RAB3IL1: variants seen among roughly 807,000 people sequenced by gnomAD.
The protein encoded by RAB3IL1 is guanine nucleotide exchange factor for Rab-3A.
Under a neutral mutation model 49.2 loss-of-function variants are expected in RAB3IL1, and 37 were observed. That is an observed-to-expected ratio of 0.75 (90% CI 0.58 to 0.99). The LOEUF is 0.99. RAB3IL1 is among the 50% of genes least tolerant of loss of function. The pLI, the probability that RAB3IL1 is intolerant of heterozygous loss-of-function variation, is 0.00. For synonymous variants in RAB3IL1, 193 were observed against 213.9 expected, an observed-to-expected ratio of 0.90 and a Z score of 0.85; for missense variants, 484 against 513.0, an observed-to-expected ratio of 0.94 and a Z score of 0.55.
upstream of RAB3IL1, chr11:61,919,907 T>C: frequency 1.8e-6 from 1 of 540,582 alleles, no homozygotes; most frequent in East Asian, 3.5e-5. Context: ...AGTCTCCACC[T>C]CTGTACAGCC....
At chr11:61,927,478 T>C in the RAB3IL1 span, among the ~76,000 whole-genome samples, 1 of 151,884 alleles carries the variant, frequency 6.6e-6, no homozygotes, top group Non-Finnish European at 1.5e-5. Context: ...AGACTTAAGG[T>C]TAGGAGTCTG....
At chr11:61,934,642 G>T in the RAB3IL1 span, among the ~76,000 whole-genome samples, 4 of 151,418 alleles carry the variant, frequency 2.6e-5, no homozygotes, top group East Asian at 5.8e-4. Context: ...GCTCAGAAAA[G>T]ACCTGAAGGG....
chr11:61,911,055 G>A (rs1292102221), intron 1 of RAB3IL1, among the ~76,000 whole-genome samples: 2 of 152,372 alleles, frequency 1.3e-5, no homozygotes, highest in Non-Finnish European at 1.5e-5. Context: ...CACATAGGCT[G>A]GAGGTGTGGC....
upstream of RAB3IL1, among the ~76,000 whole-genome samples, chr11:61,925,071 T>A (rs1316520052): frequency 6.6e-6 from 1 of 152,202 alleles, no homozygotes; most frequent in Non-Finnish European, 1.5e-5. Flanking sequence ...TTACGCGCAA[T>A]CTCAGATTCT....
In RAB3IL1 at chr11:61,899,227, C is replaced by T. The variant is rs145108537; in HGVS notation, c.1066+87G>A. 505 of 1,424,466 alleles carry T rather than the reference C, an allele frequency of 3.5e-4. 2 individuals are homozygous for T. The African/African-American group carries it at 6.3e-3, about 18-fold the overall frequency. The allele number at this position is 1,424,466 out of a possible 1,614,324, so 88.2% of individuals were successfully genotyped here. On this transcript the variant is annotated intron_variant, in intron 9 of 9. Coordinates refer to ENST00000394836, the MANE Select transcript of RAB3IL1 (RefSeq NM_013401.4). ...GCCTCCTAGCTGAGTCTTGCCTCCA[C>T]TAGGGGCAGGTGGGCCCAGAGGGCA...
chr11:61,902,948 C>T (rs1174100012), intron 7 of RAB3IL1, among the ~76,000 whole-genome samples: 2 of 152,126 alleles, frequency 1.3e-5, no homozygotes, highest in African/African-American at 2.4e-5. Flanking sequence ...CATCCAGCAG[C>T]TCCCCTGCTT....
upstream of RAB3IL1, among the ~76,000 whole-genome samples, chr11:61,922,101 C>T (rs974214256): frequency 1.3e-5 from 2 of 151,400 alleles, no homozygotes; most frequent in Non-Finnish European, 1.5e-5. Flanking sequence ...CCCAGCTACT[C>T]GGGAGGCTGA....
the RAB3IL1 span, among the ~76,000 whole-genome samples, chr11:61,940,066 G>C: frequency 6.6e-6 from 1 of 152,102 alleles, no homozygotes; most frequent in Non-Finnish European, 1.5e-5. Context: ...ATTGCCTTGA[G>C]CCCAGGAGTT....
the RAB3IL1 span, among the ~76,000 whole-genome samples, chr11:61,935,439 G>T: frequency 8.2e-6 from 1 of 121,366 alleles, no homozygotes; most frequent in Non-Finnish European, 1.7e-5. Flanking sequence ...AAAAAAAAAA[G>T]AAAGAAACTG....
chr11:61,924,819 G>A (rs150090510), upstream of RAB3IL1, among the ~76,000 whole-genome samples: 3 of 152,256 alleles, frequency 2.0e-5, no homozygotes, highest in African/African-American at 7.2e-5. Flanking sequence ...GATGGGTGTG[G>A]GAGTCTGACC....
chr11:61,931,405 G>A, the RAB3IL1 span, among the ~76,000 whole-genome samples: 2 of 152,148 alleles, frequency 1.3e-5, no homozygotes, highest in Non-Finnish European at 2.9e-5. Flanking sequence ...TGGGACTCTG[G>A]CCAACCCAAG....
the RAB3IL1 span, among the ~76,000 whole-genome samples, chr11:61,943,397 G>A: frequency 2.0e-5 from 3 of 152,244 alleles, no homozygotes; most frequent in South Asian, 2.1e-4. Flanking sequence ...AGAAGAAAAC[G>A]TACGGGTAAA....
At chr11:61,917,744 G>C (rs933557116), upstream of RAB3IL1, 1 of 206,276 alleles carries the variant, frequency 4.8e-6, no homozygotes, top group African/African-American at 2.4e-5. Flanking sequence ...GCCGCGCCGC[G>C]CTCAGACTCC....
intron 8 of RAB3IL1, among the ~76,000 whole-genome samples, chr11:61,900,088 C>T (rs777453443): frequency 1.3e-5 from 2 of 152,226 alleles, no homozygotes; most frequent in Non-Finnish European, 2.9e-5. Flanking sequence ...GTACTCACTC[C>T]TCCTGTAGAC....
chr11:61,901,062 G>C (rs1031959893), intron 8 of RAB3IL1, among the ~76,000 whole-genome samples: 5 of 152,260 alleles, frequency 3.3e-5, no homozygotes, highest in African/African-American at 1.2e-4. Context: ...TGGGTGCTCA[G>C]CACACCGCTG....
rs1463415641 is a variant in RAB3IL1, at chr11:61,898,215, C to T, written c.*63G>A. 2.7e-6 allele frequency: 4 copies of T among 1,488,162 alleles called. No individual in the cohort carries two copies. Among genetic ancestry groups the T allele is most frequent in the East Asian group, 2.3e-5 (1 of 44,240 alleles). The allele number at this position is 1,488,162 out of a possible 1,614,324, so 92.2% of individuals were successfully genotyped here. ...TCCAGGCCCCCGTCTCCCTGTGTGT[C>T]GGCTTGTTCTGGGGTGGGTGTTTGC... is the stretch of plus-strand genomic sequence containing the variant. On this transcript the variant is annotated 3_prime_UTR_variant, in exon 10 of 10. Coordinates refer to ENST00000394836, the MANE Select transcript of RAB3IL1 (RefSeq NM_013401.4). The surrounding 1 kb of genome is among the most constrained non-coding windows in gnomAD (Gnocchi z 5.1).
the RAB3IL1 span, among the ~76,000 whole-genome samples, chr11:61,932,231 A>C: frequency 2.6e-5 from 4 of 151,942 alleles, no homozygotes; most frequent in African/African-American, 9.7e-5. Flanking sequence ...AGCCTGGGAG[A>C]CAGAGCGAGA....
chr11:61,923,066 C>T (rs1362938788), upstream of RAB3IL1, among the ~76,000 whole-genome samples: 1 of 152,228 alleles, frequency 6.6e-6, no homozygotes, highest in Non-Finnish European at 1.5e-5. Context: ...CCACCAGCCT[C>T]TTGGCCGGGG....
chr11:61,942,600 A>G, the RAB3IL1 span, among the ~76,000 whole-genome samples: 1 of 152,220 alleles, frequency 6.6e-6, no homozygotes, highest in Non-Finnish European at 1.5e-5. Context: ...TATATGTAGT[A>G]AACCCTAAAG....
Sources: gnomAD v4.1 joint callset for allele counts (sites outside exome capture counted in the v4.1 genomes callset) on GRCh38, gnomAD v4.1.1 for gene constraint, Gnocchi (gnomAD v3.1) non-coding constraint, MANE v1.5 for transcripts, NCBI Gene and HGNC (gene_info 2026-07-23, HGNC 2026-07-21) for gene names.